The following F5 variants were observed in gnomAD, a reference collection of about 807,000 sequenced individuals.
F5 encodes activated protein c cofactor.
Under a neutral mutation model 216.4 loss-of-function variants are expected in F5, and 138 were observed. The observed-to-expected ratio is 0.64, with a 90% confidence interval of 0.56 to 0.73. The LOEUF is 0.73. F5 is among the 30% of genes least tolerant of loss of function. The pLI, the probability that F5 is intolerant of heterozygous loss-of-function variation, is 0.00. For synonymous variants in F5, 916 were observed against 930.7 expected, an observed-to-expected ratio of 0.98 and a Z score of 0.29; for missense variants, 2,403 against 2,674.0, an observed-to-expected ratio of 0.90 and a Z score of 2.24.
At chr1:169,557,087 T>C (rs951332547) in intron 5 of F5, among the ~76,000 whole-genome samples, 1 of 152,182 alleles carries the variant, frequency 6.6e-6, no homozygotes, top group Non-Finnish European at 1.5e-5. Flanking sequence ...AATGGCATTA[T>C]ACAGGTAACA....
At chr1:169,547,684 A>G (rs889130081) in intron 10 of F5, among the ~76,000 whole-genome samples, 1 of 152,138 alleles carries the variant, frequency 6.6e-6, no homozygotes, top group African/African-American at 2.4e-5. Flanking sequence ...AAAAAGTCAA[A>G]AACTAACAGA....
chr1:169,577,748 C>G (rs115097949), intron 2 of F5, among the ~76,000 whole-genome samples: 8,544 of 151,234 alleles, frequency 0.056, 334 homozygotes, highest in Middle Eastern at 0.12. Context: ...CCAAGACTAG[C>G]CATTTTAAAG....
chr1:169,542,469 T>C lies in F5; in HGVS notation c.2621A>G (p.Gln874Arg). The C allele has an allele frequency of 6.2e-7, 1 of 1,614,162 alleles. No individual in the cohort carries two copies. Among genetic ancestry groups the C allele is most frequent in the Non-Finnish European group, 8.5e-7 (1 of 1,180,002 alleles). ...KHKGPKVERD[Q>R]AAKHRFSWMK... The stretch of plus-strand genomic sequence containing the variant: ...CCAGGAGAACCTGTGCTTTGCTGCT[T>C]GATCTCTTTCTACCTTGGGTCCCTT... The change falls in exon 13 of 25, where the codon CAA becomes CGA. Residue 874 changes from glutamine (Q) to arginine (R), a missense_variant. This residue lies in a region of F5 where 1,425 missense variants were observed against 1,554.8 expected (regional missense o/e 0.92). Coordinates refer to ENST00000367797, the MANE Select transcript of F5 (RefSeq NM_000130.5).
At chr1:169,528,690 C>A (rs1159175533) in intron 16 of F5, among the ~76,000 whole-genome samples, 1 of 152,182 alleles carries the variant, frequency 6.6e-6, no homozygotes, top group Non-Finnish European at 1.5e-5. Flanking sequence ...GCTTTATCTA[C>A]TCTCCCCACA....
At chr1:169,566,297 A>T (rs1239538755) in intron 3 of F5, among the ~76,000 whole-genome samples, 2 of 152,126 alleles carry the variant, frequency 1.3e-5, no homozygotes, top group Non-Finnish European at 2.9e-5. Context: ...TATAGTAGAA[A>T]ATGATATTCT....
chr1:169,545,177 C>G (rs1217316293), intron 11 of F5, among the ~76,000 whole-genome samples: 1 of 152,094 alleles, frequency 6.6e-6, no homozygotes, highest in Admixed American at 6.6e-5. Flanking sequence ...ATTTAAATAC[C>G]TACTTAAATC....
At chr1:169,552,347 T>G (rs1660192570) in intron 8 of F5, among the ~76,000 whole-genome samples, 1 of 152,252 alleles carries the variant, frequency 6.6e-6, no homozygotes. Flanking sequence ...ACTCCTTGTT[T>G]TATGCCTTTA....
intron 2 of F5, among the ~76,000 whole-genome samples, chr1:169,578,669 G>A (rs1660918002): frequency 6.6e-6 from 1 of 152,160 alleles, no homozygotes; most frequent in South Asian, 2.1e-4. Context: ...TAGTTCTTAA[G>A]TATCTATTGT....
Position 169,543,083 on chromosome 1 carries a change from A to T in F5, c.2007T>A (p.Ser669Arg), listed in dbSNP as rs1659910048. The T allele has an allele frequency of 6.2e-7, 1 of 1,613,760 alleles. No homozygotes were observed. The highest frequency in any genetic ancestry group is 1.7e-5 in the Admixed American group (1 of 59,994). Residue 669 changes from serine to arginine, a missense_variant, in exon 13 of 25, where the codon AGT (serine) becomes AGA (arginine). Transcript: ENST00000367797. ...TCAGCCTCAGCTTTTTGCTTCTTGG[A>T]CTAGAATTCATGGAAGTTAACATCC... ...GTWMLTSMNSSPRSKKLRLKF... is the reference protein window; with the variant it reads ...GTWMLTSMNSRPRSKKLRLKF...
intron 5 of F5, among the ~76,000 whole-genome samples, chr1:169,558,826 C>G (rs1354288029): frequency 1.3e-5 from 2 of 152,070 alleles, no homozygotes; most frequent in Admixed American, 6.5e-5. Context: ...TAGGGCTTGT[C>G]CTTGAAGAAG....
chr1:169,542,585 A>G lies in F5; in HGVS notation c.2505T>C (p.Pro835=). Residue 835 remains proline (P), a synonymous_variant, in exon 13 of 25, where the codon CCT becomes CCC. Transcript: ENST00000367797. ...CATCTGGCTGTAGAGGATCCTCTAT[A>G]GGGTCTTCAGAATATGGGCTGGAAT... ...AEHSSPYSED[P]IEDPLQPDVT... 1.9e-6 allele frequency: 3 copies of G among 1,614,056 alleles called. No individual in the cohort carries two copies. The highest frequency in any genetic ancestry group is 2.5e-6 in the Non-Finnish European group (3 of 1,179,980).
At chr1:169,546,696 T>C in intron 10 of F5, 104 bp from the exon 11 acceptor site, 1 of 1,033,096 alleles carries the variant, frequency 9.7e-7, no homozygotes, top group Non-Finnish European at 1.5e-6. Flanking sequence ...AACTATCTGA[T>C]CTGTGACAAA....
At chr1:169,559,439 T>A in intron 4 of F5, 143 bp from the exon 5 acceptor site, 1 of 856,334 alleles carries the variant, frequency 1.2e-6, no homozygotes, top group African/African-American at 1.7e-5. Flanking sequence ...AATAGCATAT[T>A]TATCAAGTAA....
chr1:169,536,726 T>G (rs768526020), intron 13 of F5, 46 bp from the exon 14 acceptor site: 2 of 1,497,588 alleles, frequency 1.3e-6, no homozygotes, highest in South Asian at 2.3e-5. Flanking sequence ...TTAAAGACTG[T>G]TCCCAGAATT....
In F5 at chr1:169,541,233, G is replaced by C; in HGVS notation, c.3857C>G (p.Ser1286Cys). Residue 1286 changes from serine (S) to cysteine (C), a missense_variant, in exon 13 of 25, where the codon TCT becomes TGT. By Grantham distance (112) the Ser-to-Cys change is moderately radical (BLOSUM62 -1). Transcript: ENST00000367797. The part of the protein sequence containing the change: ...LSPDLSHTTL[S>C]LDFSQTNLSP... ...GAGGTTTGTCTGGCTGAAGTCTAGA[G>C]AAAGGGTTGTATGGCTGAGGTCTGG... The C allele has an allele frequency of 1.9e-6, 3 of 1,591,082 alleles. No homozygotes were observed. The highest frequency in any genetic ancestry group is 2.6e-6 in the Non-Finnish European group (3 of 1,165,258).
intron 6 of F5, among the ~76,000 whole-genome samples, chr1:169,556,292 T>G (rs1220086019): frequency 7.8e-6 from 1 of 128,444 alleles, no homozygotes; most frequent in African/African-American, 3.4e-5. Flanking sequence ...ATTTGCAGTT[T>G]GTCTTGTGCT....
At chr1:169,549,209 A>G (rs1379187083) in intron 10 of F5, among the ~76,000 whole-genome samples, 1 of 152,226 alleles carries the variant, frequency 6.6e-6, no homozygotes, top group Non-Finnish European at 1.5e-5. Context: ...ATATGAGACT[A>G]CAATTCTTCA....
Position 169,520,502 on chromosome 1 carries a change from T to C in F5, c.6193+18A>G, listed in dbSNP as rs762728749. 1 of 1,613,868 alleles carries C rather than the reference T, an allele frequency of 6.2e-7. No individual in the cohort carries two copies. The highest frequency in any genetic ancestry group is 8.5e-7 in the Non-Finnish European group (1 of 1,179,814). On this transcript the variant is annotated intron_variant, in intron 22 of 24. Coordinates refer to ENST00000367797, the MANE Select transcript of F5 (RefSeq NM_000130.5). ...TCTTTGAGTGGCAGTGAGAAAATAA[T>C]GCATCTTTGTACCTTACCATTTACC...
At chr1:169,561,103 G>A (rs556191623) in intron 3 of F5, among the ~76,000 whole-genome samples, 3 of 152,084 alleles carry the variant, frequency 2.0e-5, no homozygotes, top group South Asian at 4.1e-4. Flanking sequence ...TATAAGAATG[G>A]GTGATATCTT....
Sources: gnomAD v4.1 joint callset for allele counts (sites outside exome capture counted in the v4.1 genomes callset) on GRCh38, gnomAD v4.1.1 for gene constraint, gnomAD v4.1.1 regional missense constraint, MANE v1.5 for transcripts, NCBI Gene and HGNC (gene_info 2026-07-23, HGNC 2026-07-21) for gene names.